Variants in ACAD11 observed in about 807,000 individuals in gnomAD.
The protein encoded by ACAD11 is acyl-CoA dehydrogenase family member 11.
ACAD11 carries 83 observed loss-of-function variants against 102.2 expected under a neutral mutation model. That is an observed-to-expected ratio of 0.81 (90% CI 0.68 to 0.97). The LOEUF (loss-of-function observed/expected upper bound fraction) is 0.97, where lower values mean the gene tolerates loss of function less well. ACAD11 is among the 50% of genes least tolerant of loss of function. The pLI is 0.00. For synonymous variants in ACAD11, 324 were observed against 319.8 expected (o/e 1.01, Z -0.14); for missense variants, 901 against 951.7 (o/e 0.95, Z 0.70).
chr3:132,566,577 C>G (rs562167716), intron 17 of ACAD11, among the ~76,000 whole-genome samples: 1 of 152,074 alleles, frequency 6.6e-6, no homozygotes, highest in Admixed American at 6.5e-5. Flanking sequence ...TTGAAAGCAC[C>G]AGAGAAAAAT....
At chr3:132,592,017 T>A (rs1938103119) in intron 13 of ACAD11, among the ~76,000 whole-genome samples, 1 of 152,156 alleles carries the variant, frequency 6.6e-6, no homozygotes, top group South Asian at 2.1e-4. Context: ...TCTGTCTTCC[T>A]CAATCTTATA....
At chr3:132,627,274 T>C (rs1424477739) in intron 8 of ACAD11, among the ~76,000 whole-genome samples, 1 of 152,196 alleles carries the variant, frequency 6.6e-6, no homozygotes, top group African/African-American at 2.4e-5. Context: ...GGACCCCCCC[T>C]TTCTTTGCTG....
At chr3:132,613,239 G>T (rs936864605) in intron 11 of ACAD11, among the ~76,000 whole-genome samples, 1 of 151,614 alleles carries the variant, frequency 6.6e-6, no homozygotes, top group African/African-American at 2.4e-5. Context: ...GGTGGGGGAA[G>T]GGGGGAGGGA....
At chr3:132,570,344 A>G (rs1230657524) in intron 17 of ACAD11, among the ~76,000 whole-genome samples, 1 of 152,138 alleles carries the variant, frequency 6.6e-6, no homozygotes, top group Non-Finnish European at 1.5e-5. Flanking sequence ...AATTCTAAAC[A>G]CAGAATTGGT....
chr3:132,561,320 A>G (rs1937050777), intron 17 of ACAD11, 103 bp from the exon 18 acceptor site: 1 of 845,434 alleles, frequency 1.2e-6, no homozygotes, highest in East Asian at 2.5e-5. Context: ...TCTCTAAGCC[A>G]GAGATTGTTC....
At chr3:132,593,081 A>C (rs1241460582) in intron 13 of ACAD11, among the ~76,000 whole-genome samples, 2 of 152,036 alleles carry the variant, frequency 1.3e-5, no homozygotes, top group Non-Finnish European at 2.9e-5. Context: ...AAAATAATAT[A>C]ATATTTATTA....
intron 17 of ACAD11, among the ~76,000 whole-genome samples, chr3:132,571,424 G>T (rs959166570): frequency 7.0e-6 from 1 of 142,390 alleles, no homozygotes; most frequent in Non-Finnish European, 1.5e-5. Context: ...CAAATAGTTT[G>T]CTAAATTTTC....
At chr3:132,650,372 G>A (rs959308568) in intron 1 of ACAD11, 1 of 152,180 alleles carries the variant, frequency 6.6e-6, no homozygotes, top group Non-Finnish European at 1.5e-5. Context: ...TCCTCTAGAG[G>A]TGTGTCTTCT....
intron 17 of ACAD11, among the ~76,000 whole-genome samples, chr3:132,571,849 T>C (rs1428106679): frequency 6.6e-6 from 1 of 152,158 alleles, no homozygotes; most frequent in Non-Finnish European, 1.5e-5. Context: ...TTCAATAAAA[T>C]TCAACACCTC....
chr3:132,610,067 A>C (rs1196899438), intron 11 of ACAD11, among the ~76,000 whole-genome samples: 2 of 152,216 alleles, frequency 1.3e-5, no homozygotes. Flanking sequence ...GGCCTCTGAT[A>C]AAATTAAACA....
At chr3:132,618,794 C>T (rs1939506765) in intron 10 of ACAD11, 22 bp from the exon 11 acceptor site, 1 of 1,532,414 alleles carries the variant, frequency 6.5e-7, no homozygotes, top group African/African-American at 1.4e-5. Context: ...ATGAACATGC[C>T]AGAGTGACCA....
At chr3:132,646,907 A>G (rs969919781) in intron 1 of ACAD11, among the ~76,000 whole-genome samples, 4 of 152,200 alleles carry the variant, frequency 2.6e-5, no homozygotes, top group African/African-American at 9.6e-5. Flanking sequence ...CCATAGTGAC[A>G]GAAAGTAGAT....
chr3:132,575,827 A>T lies in ACAD11; in HGVS notation c.1946T>A (p.Ile649Asn), dbSNP rs762717979. The T allele has an allele frequency of 1.2e-6, 2 of 1,614,076 alleles. No individual in the cohort carries two copies. Among genetic ancestry groups the T allele is most frequent in the Admixed American group, 3.3e-5 (2 of 60,012 alleles). Reference sequence around the variant, plus strand: ...CCTTTGTGTTGCCCGCTCACACATGATCTGCAAAGCGCGTTCCGCCAAACC... The same window carrying T: ...CCTTTGTGTTGCCCGCTCACACATGTTCTGCAAAGCGCGTTCCGCCAAACC... ...TVGLAERALQ[I>N]MCERATQRIA... The change falls in exon 17 of 20, where the codon ATC becomes AAC. Residue 649 changes from isoleucine to asparagine, a missense_variant. Coordinates refer to ENST00000264990, the MANE Select transcript of ACAD11 (RefSeq NM_032169.5).
chr3:132,599,554 G>C (rs2107818691), intron 13 of ACAD11, among the ~76,000 whole-genome samples: 1 of 152,058 alleles, frequency 6.6e-6, no homozygotes, highest in South Asian at 2.1e-4. Flanking sequence ...TATTGCAGTA[G>C]GCTAGGTGAG....
At chr3:132,590,664 G>C (rs751858630) in intron 13 of ACAD11, among the ~76,000 whole-genome samples, 6 of 152,064 alleles carry the variant, frequency 3.9e-5, no homozygotes, top group Non-Finnish European at 8.8e-5. Flanking sequence ...AACCTCACCC[G>C]CATCTGTTAT....
intron 13 of ACAD11, among the ~76,000 whole-genome samples, chr3:132,585,520 CA>C (rs1047329257): frequency 2.0e-4 from 31 of 152,168 alleles, no homozygotes; most frequent in Admixed American, 2.0e-3. Context: ...AGCTTCTGCA[CA>C]GCAAAAGAAA....
rs373430359 is a variant in ACAD11 at position 132,609,107 on chromosome 3, C to A, written c.1415-3902G>T. Among the ~76,000 whole-genome samples the A allele has an allele frequency of 7.4e-4, 113 of 152,240 alleles. 1 individual carries two copies. The highest frequency in any genetic ancestry group is 2.6e-3 in the African/African-American group (108 of 41,546). On this transcript the variant is annotated intron_variant, in intron 11 of 19. Transcript: ENST00000264990. ...TTTGAAACCAATAAGAACAAAGACA[C>A]AATGTACCAGAATCTCTGGGACACA...
chr3:132,631,942 T>C (rs1437546239), intron 5 of ACAD11, among the ~76,000 whole-genome samples: 1 of 152,232 alleles, frequency 6.6e-6, no homozygotes, highest in Non-Finnish European at 1.5e-5. Context: ...ATAATTGTTA[T>C]AAAAGATACT....
intron 17 of ACAD11, among the ~76,000 whole-genome samples, chr3:132,574,084 A>G (rs1379418720): frequency 1.3e-5 from 2 of 152,234 alleles, no homozygotes; most frequent in African/African-American, 4.8e-5. Context: ...CATTAACTTT[A>G]AAAGGTGGAA....
Sources: allele counts gnomAD v4.1 joint callset (sites outside exome capture counted in the v4.1 genomes callset), GRCh38; gene constraint gnomAD v4.1.1; transcripts MANE v1.5; gene names NCBI Gene and HGNC (gene_info 2026-07-23, HGNC 2026-07-21).